Variants in PDE4D observed in about 807,000 individuals in gnomAD.
PDE4D encodes phosphodiesterase 4D.
A neutral mutation model predicts 87.4 loss-of-function variants in PDE4D; 24 were observed. That is an observed-to-expected ratio of 0.27 (90% CI 0.20 to 0.39). The LOEUF is 0.39. Ranked by LOEUF, PDE4D falls within the 10% of genes least tolerant of loss-of-function variation. The probability of loss-of-function intolerance (pLI) is 1.00; values close to 1 mark genes in which losing one functional copy is unlikely to be tolerated. For synonymous variants in PDE4D, 384 were observed against 383.2 expected, an observed-to-expected ratio of 1.00 and a Z score of -0.02; for missense variants, 714 against 1,041.0, an observed-to-expected ratio of 0.69 and a Z score of 4.32.
intron 5 of PDE4D, among the ~76,000 whole-genome samples, chr5:59,125,760 T>C (rs1244713915): frequency 6.6e-6 from 1 of 152,050 alleles, no homozygotes; most frequent in African/African-American, 2.4e-5. Flanking sequence ...CAGACACAAG[T>C]GACAGGAACA....
At chr5:59,299,828 G>C (rs971665247) in intron 1 of PDE4D, among the ~76,000 whole-genome samples, 1 of 152,102 alleles carries the variant, frequency 6.6e-6, no homozygotes, top group Non-Finnish European at 1.5e-5. Flanking sequence ...AAAAATGCTC[G>C]CCCAGGCGCA....
chr5:59,603,060 T>G (rs1413409975), intron 1 of PDE4D, among the ~76,000 whole-genome samples: 1 of 151,748 alleles, frequency 6.6e-6, no homozygotes, highest in African/African-American at 2.4e-5. Flanking sequence ...GACATAAATG[T>G]AAGAATAGGG....
rs549479806 is a variant in PDE4D at position 59,651,270 on chromosome 5, T to C, written c.455+241898A>G. On this transcript the variant is annotated intron_variant, in intron 1 of 14. Transcript: ENST00000340635. ...GACTCTGTCTCAACAATAATAATAA[T>C]AATAATAATAATAATAATAATAATA... Among the ~76,000 whole-genome samples, 145 of 138,350 alleles carry C rather than the reference T, an allele frequency of 1.0e-3. 3 individuals carry two copies. Among genetic ancestry groups the C allele is most frequent in the South Asian group, 8.9e-3 (41 of 4,610 alleles). The allele number at this position is 138,350 out of a possible 152,430, so 90.8% of individuals were successfully genotyped here. A position where few individuals can be genotyped will look rare whatever the true frequency, so the allele number is the denominator to read the frequency against.
intron 1 of PDE4D, among the ~76,000 whole-genome samples, chr5:59,260,569 C>A (rs1329626446): frequency 6.6e-6 from 1 of 151,754 alleles, no homozygotes; most frequent in Non-Finnish European, 1.5e-5. Context: ...TAAAACTTTT[C>A]TTTGTGTATT....
chr5:60,488,901 G>A (rs1015854236), upstream of PDE4D, among the ~76,000 whole-genome samples: 8 of 152,264 alleles, frequency 5.3e-5, no homozygotes, highest in African/African-American at 1.9e-4. Context: ...GAGAATCTTA[G>A]GAATCCTAAG....
intron 1 of PDE4D, among the ~76,000 whole-genome samples, chr5:59,249,632 A>G (rs1254088967): frequency 2.0e-5 from 3 of 152,178 alleles, no homozygotes; most frequent in African/African-American, 7.2e-5. Context: ...GTTTGAAATA[A>G]TGTTAAGTGA....
At chr5:59,968,999 CCCG>C (rs1760393686) in intron 3 of PDE4D, among the ~76,000 whole-genome samples, 1 of 134,516 alleles carries the variant, frequency 7.4e-6, no homozygotes, top group African/African-American at 2.7e-5. Flanking sequence ...GCACCCCCCC[CCCG>C]AAAAAAAGAG....
rs757708323 is a variant in PDE4D, at chr5:58,974,845, T to G, written c.2249A>C (p.Lys750Thr). ...LEEDGESDTE[K>T]DSGSQVEEDT... ...TTCTTCCACTTGACTGCCACTGTCC[T>G]TTTCCGTGTCTGACTCACCATCTTC... is the stretch of plus-strand genomic sequence containing the variant. The change falls in exon 15 of 15, where the codon AAG becomes ACG. Residue 750 changes from lysine to threonine, a missense_variant. Physicochemically the swap from Lys to Thr is moderately conservative, Grantham distance 78 (BLOSUM62 -1). Transcript: ENST00000340635. The G allele has an allele frequency of 1.2e-6, 2 of 1,612,952 alleles. No homozygotes were observed. Among genetic ancestry groups the G allele is most frequent in the South Asian group, 2.2e-5 (2 of 90,970 alleles).
At chr5:60,056,402 T>C (rs2152884096) in intron 2 of PDE4D, among the ~76,000 whole-genome samples, 1 of 151,992 alleles carries the variant, frequency 6.6e-6, no homozygotes, top group African/African-American at 2.4e-5. Flanking sequence ...GAAGCAGCAG[T>C]AGCAGGACAA....
Position 58,973,217 on chromosome 5 carries a change from A to C in PDE4D, c.*1447T>G, listed in dbSNP as rs1475128157. 4 of 152,048 alleles carry C rather than the reference A, an allele frequency of 2.6e-5. No homozygotes were observed. Among genetic ancestry groups the C allele is most frequent in the Non-Finnish European group, 4.4e-5 (3 of 68,010 alleles). 9.4% of individuals were successfully genotyped at this position (152,048 alleles called of 1,614,324 possible). On this transcript the variant is annotated 3_prime_UTR_variant, in exon 15 of 15. Transcript: ENST00000340635. ...GTTGGCTGTTTAACTTTTCTCTGTA[A>C]ACCAAGAGTAAAAGCTAGTCATGAT...
In PDE4D at chr5:60,047,565, G is replaced by C. The variant is rs1355542180; in HGVS notation, c.43-58848C>G. 2.0e-5 allele frequency among the ~76,000 whole-genome samples: 3 copies of C among 152,242 alleles called. 1 individual carries two copies. Among genetic ancestry groups the C allele is most frequent in the African/African-American group, 7.2e-5 (3 of 41,532 alleles). ...TGCGTCCCAGAGATTCTGGTATGCT[G>C]TGTCTTTGTTCTCATTGGTTTCAAA... On this transcript the variant is annotated intron_variant, in intron 2 of 16. Coordinates refer to the PDE4D transcript ENST00000502484.
At chr5:60,201,277 G>T (rs2962974) in intron 1 of PDE4D, among the ~76,000 whole-genome samples, 150,277 of 150,278 alleles carry the variant, frequency 1, 75,138 homozygotes, top group Middle Eastern at 1. Flanking sequence ...TACAAATCAA[G>T]GTTTTCCTAT....
chr5:59,921,159 GTCA>G (rs1754630493), intron 3 of PDE4D, among the ~76,000 whole-genome samples: 1 of 152,134 alleles, frequency 6.6e-6, no homozygotes, highest in Non-Finnish European at 1.5e-5. Flanking sequence ...GCTCTATGAT[GTCA>G]ATATTTCAAA....
intron 1 of PDE4D, among the ~76,000 whole-genome samples, chr5:59,376,870 G>A (rs146261781): frequency 0.011 from 1,734 of 152,068 alleles, 19 homozygotes; most frequent in Middle Eastern, 0.024. Flanking sequence ...GAGAACCTAG[G>A]AATAAGACCA....
At chr5:60,298,474 G>C (rs1418974530) in intron 1 of PDE4D, among the ~76,000 whole-genome samples, 1 of 152,108 alleles carries the variant, frequency 6.6e-6, no homozygotes, top group East Asian at 1.9e-4. Flanking sequence ...GAATATTTAA[G>C]TCATGACTAT....
intron 2 of PDE4D, among the ~76,000 whole-genome samples, chr5:59,199,953 T>A (rs538737095): frequency 1.3e-5 from 2 of 151,710 alleles, no homozygotes; most frequent in Admixed American, 1.3e-4. Flanking sequence ...TATACATACA[T>A]GTATACATAC....
chr5:60,010,323 A>C (rs1183391978), intron 2 of PDE4D, among the ~76,000 whole-genome samples: 1 of 152,198 alleles, frequency 6.6e-6, no homozygotes, highest in Non-Finnish European at 1.5e-5. Context: ...AGTTTGCAAC[A>C]GTGCAAACAC....
chr5:59,291,407 AAGAC>A (rs1193680628), intron 1 of PDE4D, among the ~76,000 whole-genome samples: 4 of 152,024 alleles, frequency 2.6e-5, no homozygotes, highest in African/African-American at 9.7e-5. Flanking sequence ...TAGAGAGCAG[AAGAC>A]AGTTTCCGGA....
intron 1 of PDE4D, among the ~76,000 whole-genome samples, chr5:60,477,523 G>A (rs1192080301): frequency 6.6e-6 from 1 of 152,162 alleles, no homozygotes; most frequent in South Asian, 2.1e-4. Flanking sequence ...AAGGGAGGCT[G>A]TTAAGATGGA....
Sources: allele counts gnomAD v4.1 joint callset (sites outside exome capture counted in the v4.1 genomes callset), GRCh38; gene constraint gnomAD v4.1.1; transcripts MANE v1.5; gene names NCBI Gene and HGNC (gene_info 2026-07-23, HGNC 2026-07-21).